The following LRCH3 variants were observed in gnomAD, a reference collection of about 807,000 sequenced individuals.
The protein encoded by LRCH3 is DISP complex protein LRCH3.
A neutral mutation model predicts 104.5 loss-of-function variants in LRCH3; 68 were observed. The observed-to-expected ratio is 0.65, with a 90% CI of 0.54 to 0.80. The LOEUF (loss-of-function observed/expected upper bound fraction) is 0.80, where lower values mean the gene tolerates loss of function less well. LRCH3 is among the 30% of genes least tolerant of loss of function. The pLI is 0.00. For missense variants in LRCH3, 951 were observed against 953.9 expected, an observed-to-expected ratio of 1.00 and a Z score of 0.04; for synonymous variants, 344 against 361.3, an observed-to-expected ratio of 0.95 and a Z score of 0.54.
intron 1 of LRCH3, among the ~76,000 whole-genome samples, chr3:197,806,336 A>C (rs1423492827): frequency 2.6e-5 from 4 of 152,064 alleles, no homozygotes; most frequent in African/African-American, 2.4e-5. Context: ...TGTGTTGCCC[A>C]GGCTGGTCTC....
intron 20 of LRCH3, among the ~76,000 whole-genome samples, chr3:197,879,404 T>C (rs888975976): frequency 1.3e-5 from 2 of 151,770 alleles, no homozygotes; most frequent in East Asian, 1.9e-4. Flanking sequence ...CCCAGCACTT[T>C]GGGAGGCCGA....
intron 6 of LRCH3, among the ~76,000 whole-genome samples, chr3:197,830,318 G>A (rs1309739230): frequency 6.6e-6 from 1 of 152,158 alleles, no homozygotes; most frequent in East Asian, 1.9e-4. Flanking sequence ...CTGAGCTCAA[G>A]CATTCCTCCC....
At chr3:197,850,629 A>T in intron 12 of LRCH3, 1 of 1,571,284 alleles carries the variant, frequency 6.4e-7, no homozygotes, top group Non-Finnish European at 8.7e-7. Context: ...CAGAGAATCT[A>T]CATCTGAACC....
intron 4 of LRCH3, among the ~76,000 whole-genome samples, chr3:197,823,912 C>G (rs148375271): frequency 6.6e-6 from 1 of 152,300 alleles, no homozygotes; most frequent in Non-Finnish European, 1.5e-5. Flanking sequence ...CCATACCATG[C>G]CTTTACTGCT....
chr3:197,865,562 T>G, intron 16 of LRCH3, 91 bp downstream of exon 16: 6 of 810,328 alleles, frequency 7.4e-6, no homozygotes, highest in African/African-American at 1.8e-5. Context: ...GACGAGGCCT[T>G]TCTGTGTTGA....
chr3:197,879,428 C>T lies in LRCH3; in HGVS notation c.2208+3653C>T, dbSNP rs552760633. Among the ~76,000 whole-genome samples, 221 of 151,800 alleles carry T rather than the reference C, an allele frequency of 1.5e-3. 3 individuals are homozygous for T. Among genetic ancestry groups the T allele is most frequent in the African/African-American group, 4.8e-3 (197 of 41,180 alleles). On this transcript the variant is annotated intron_variant, in intron 20 of 20. Coordinates refer to ENST00000425562, the MANE Select transcript of LRCH3 (RefSeq NM_001365715.1). ...TTGGGAGGCCGAGGTGGGCGGATCA[C>T]GAGGTCAGGAGATCGAGACCATCCT...
In LRCH3 at chr3:197,847,317, A is replaced by C. The variant is rs142032447; in HGVS notation, c.1329-92A>C. 1,306 of 1,193,068 alleles carry C rather than the reference A, an allele frequency of 1.1e-3. 8 individuals carry two copies. In the African/African-American group the frequency reaches 0.018, roughly 17 times the overall value. The allele number at this position is 1,193,068 out of a possible 1,614,324, so 73.9% of individuals were successfully genotyped here. A position where few individuals can be genotyped will look rare whatever the true frequency, so the allele number is the denominator to read the frequency against. On this transcript the variant is annotated intron_variant, in intron 10 of 20. Coordinates refer to ENST00000425562, the MANE Select transcript of LRCH3 (RefSeq NM_001365715.1). ...GTTTGCTACTGATTAATAGAAAGCTACATTTACAATAAAAATTTCATTTGT... is the reference window on the plus strand; with the variant it reads ...GTTTGCTACTGATTAATAGAAAGCTCCATTTACAATAAAAATTTCATTTGT...
rs139239577 is a variant in LRCH3, at chr3:197,880,992, T to C, written c.2209-2549T>C. ...GTGGCCTTGTTTCTCTTACCATAAA[T>C]GCTGAAGCATTTTTACTAATACAAT... On this transcript the variant is annotated intron_variant, in intron 20 of 20. Coordinates refer to ENST00000425562, the MANE Select transcript of LRCH3 (RefSeq NM_001365715.1). 1.9e-4 allele frequency: 249 copies of C among 1,295,724 alleles called. No individual in the cohort carries two copies. The African/African-American group carries it at 3.3e-3, about 17-fold the overall frequency. 80.3% of individuals were successfully genotyped at this position (1,295,724 alleles called of 1,614,324 possible).
chr3:197,831,363 G>C (rs1412634458), intron 7 of LRCH3: 2 of 151,814 alleles, frequency 1.3e-5, no homozygotes, highest in Non-Finnish European at 2.9e-5. Context: ...GTCTACAGAA[G>C]AAAAAAAGTA....
At chr3:197,832,044 A>G (rs902073703) in intron 7 of LRCH3, among the ~76,000 whole-genome samples, 153 bp from the exon 8 acceptor site, 1 of 152,160 alleles carries the variant, frequency 6.6e-6, no homozygotes, top group Non-Finnish European at 1.5e-5. Context: ...CATCCCAAGT[A>G]TTAGGATTAC....
At chr3:197,791,623 G>C in intron 1 of LRCH3, 83 bp downstream of exon 1, 1 of 1,423,162 alleles carries the variant, frequency 7.0e-7, no homozygotes, top group Non-Finnish European at 9.2e-7. Context: ...ATGCGGGGGA[G>C]TTACAGCAGC....
At chr3:197,880,569 G>T (rs1328386882) in intron 20 of LRCH3, 2 of 1,536,486 alleles carry the variant, frequency 1.3e-6, no homozygotes, top group East Asian at 4.9e-5. Context: ...TAAAAGAACT[G>T]TTGAAACGCT....
chr3:197,819,391 C>A (rs1053878719), intron 3 of LRCH3, among the ~76,000 whole-genome samples: 6 of 151,458 alleles, frequency 4.0e-5, no homozygotes, highest in Non-Finnish European at 7.4e-5. Context: ...TCTTTTAGAA[C>A]CATTTTAATG....
chr3:197,804,166 G>A (rs1275287664), intron 1 of LRCH3, among the ~76,000 whole-genome samples: 1 of 152,104 alleles, frequency 6.6e-6, no homozygotes, highest in East Asian at 1.9e-4. Context: ...GGGAGGCTGA[G>A]GTGGGAGAAT....
At chr3:197,811,509 A>G (rs575691791) in intron 1 of LRCH3, among the ~76,000 whole-genome samples, 8 of 152,120 alleles carry the variant, frequency 5.3e-5, no homozygotes, top group Non-Finnish European at 7.3e-5. Context: ...GTTTTGCATA[A>G]TGGGCTGATT....
chr3:197,879,203 A>G (rs773611765), intron 20 of LRCH3, among the ~76,000 whole-genome samples: 8 of 152,206 alleles, frequency 5.3e-5, no homozygotes, highest in African/African-American at 1.9e-4. Context: ...TTATGTGTTA[A>G]AGGATGTCTG....
At chr3:197,806,521 A>G (rs1307258450) in intron 1 of LRCH3, among the ~76,000 whole-genome samples, 2 of 152,006 alleles carry the variant, frequency 1.3e-5, no homozygotes, top group African/African-American at 4.8e-5. Context: ...ATCTGGAATC[A>G]ATATCCTAAA....
In LRCH3 at chr3:197,864,464, G is replaced by T. The variant is rs1330300740; in HGVS notation, c.1717-959G>T. Among the ~76,000 whole-genome samples, 40 of 149,214 alleles carry T rather than the reference G, an allele frequency of 2.7e-4. 6 individuals are homozygous for T. The highest frequency in any genetic ancestry group is 1.0e-3 in the African/African-American group (39 of 39,088). ...ATCTACTAAAAATACAAAAAAATTA[G>T]CTGGGTATGGTGGTGCATGCCTGTA... On this transcript the variant is annotated intron_variant, in intron 15 of 20. Transcript: ENST00000425562.
At chr3:197,873,307 A>G (rs1040033743) in intron 19 of LRCH3, among the ~76,000 whole-genome samples, 1 of 152,186 alleles carries the variant, frequency 6.6e-6, no homozygotes, top group Non-Finnish European at 1.5e-5. Flanking sequence ...TATTTTAACT[A>G]CACCATCCAA....
Sources: allele counts gnomAD v4.1 joint callset (sites outside exome capture counted in the v4.1 genomes callset), GRCh38; gene constraint gnomAD v4.1.1; transcripts MANE v1.5; gene names NCBI Gene and HGNC (gene_info 2026-07-23, HGNC 2026-07-21).